The following MYT1L variants were observed in gnomAD, a reference collection of about 807,000 sequenced individuals.
MYT1L encodes myelin transcription factor 1-like protein.
Under a neutral mutation model 126.7 loss-of-function variants are expected in MYT1L, and 12 were observed. That is an observed-to-expected ratio of 0.09 (90% confidence interval 0.06 to 0.15). MYT1L has a LOEUF of 0.15. MYT1L is among the 10% of genes least tolerant of loss of function. The probability of loss-of-function intolerance (pLI) is 1.00; values close to 1 mark genes in which losing one functional copy is unlikely to be tolerated. For missense variants in MYT1L, 979 were observed against 1,585.2 expected (o/e 0.62, Z 6.49); for synonymous variants, 541 against 604.2 (o/e 0.90, Z 1.53).
intron 2 of MYT1L, among the ~76,000 whole-genome samples, chr2:2,273,409 A>G (rs1185390575): frequency 6.6e-6 from 1 of 152,212 alleles, no homozygotes; most frequent in African/African-American, 2.4e-5. Context: ...CTCAAATTCC[A>G]TCATGTTCCT....
rs530510467 is a variant in MYT1L at position 1,981,376 on chromosome 2, A to G, written c.1-1599T>C. On this transcript the variant is annotated intron_variant, in intron 5 of 24. Transcript: ENST00000647738. ...AGGGGCCAATGGGAAGTGGAAGCCA[A>G]GGAAAGATGCTCGGGGAAAGCTGTG... 3.3e-5 allele frequency among the ~76,000 whole-genome samples: 5 copies of G among 152,342 alleles called. No homozygotes were observed. In the South Asian group the frequency reaches 1.0e-3, roughly 32 times the overall value.
chr2:2,150,708 A>G (rs2085620318), intron 3 of MYT1L, among the ~76,000 whole-genome samples: 1 of 152,214 alleles, frequency 6.6e-6, no homozygotes, highest in South Asian at 2.1e-4. Context: ...TCAACGCTTT[A>G]GGTCCTATTT....
intron 3 of MYT1L, among the ~76,000 whole-genome samples, chr2:2,073,673 T>C (rs2074886938): frequency 6.6e-6 from 1 of 152,204 alleles, no homozygotes; most frequent in Non-Finnish European, 1.5e-5. Context: ...ATCTTGGACG[T>C]TGTATGTCGG....
rs1037043495 is a variant in MYT1L, at chr2:2,198,045, T to TAC, written c.-420-25059_-420-25058dup. Among the ~76,000 whole-genome samples, 6 of 151,800 alleles carry TAC rather than the reference T, an allele frequency of 4.0e-5. No homozygotes were observed. In the East Asian group the frequency reaches 9.7e-4, roughly 24 times the overall value. Reference sequence around the variant, plus strand: ...GTGTATATATTATATATATAATATATACACACACACGTACACAATGGAACA... The same window carrying TAC: ...GTGTATATATTATATATATAATATATACACACACACACGTACACAATGGAACA... On this transcript the variant is annotated intron_variant, in intron 2 of 24. Coordinates refer to ENST00000647738, the MANE Select transcript of MYT1L (RefSeq NM_001303052.2).
chr2:2,172,695 G>A (rs1020415318), intron 3 of MYT1L, among the ~76,000 whole-genome samples, 177 bp downstream of exon 3: 4 of 151,176 alleles, frequency 2.6e-5, no homozygotes, highest in South Asian at 2.1e-4. Context: ...CAGGAGCCCC[G>A]TGCTGGGCAG....
intron 3 of MYT1L, among the ~76,000 whole-genome samples, chr2:2,093,303 G>A (rs563717276): frequency 1.6e-4 from 23 of 146,912 alleles, no homozygotes; most frequent in Admixed American, 7.5e-4. Context: ...AACTGACAGC[G>A]GAGCAGGGGG....
At chr2:1,851,417 T>C (rs1351875057) in intron 19 of MYT1L, among the ~76,000 whole-genome samples, 2 of 152,190 alleles carry the variant, frequency 1.3e-5, no homozygotes. Context: ...TTGCACTGCA[T>C]GTGAGATGTC....
chr2:1,796,797 C>T (rs1317949368), intron 23 of MYT1L, among the ~76,000 whole-genome samples: 1 of 152,126 alleles, frequency 6.6e-6, no homozygotes, highest in East Asian at 1.9e-4. Flanking sequence ...CGTCTCTCCT[C>T]GGGCTCCTTG....
At chr2:1,828,675 T>A (rs1056785773) in intron 21 of MYT1L, 1 of 152,306 alleles carries the variant, frequency 6.6e-6, no homozygotes, top group East Asian at 1.9e-4. Context: ...ATAGCTCACA[T>A]AGTAAGTACT....
At chr2:1,952,877 CCTT>C (rs2057977538) in intron 8 of MYT1L, among the ~76,000 whole-genome samples, 1 of 74,408 alleles carries the variant, frequency 1.3e-5, no homozygotes, top group African/African-American at 6.8e-5. Flanking sequence ...TCCCTTCCCT[CCTT>C]CCTTCCCTTC....
At chr2:1,862,268 T>TTA (rs562212235) in intron 18 of MYT1L, among the ~76,000 whole-genome samples, 203 of 151,796 alleles carry the variant, frequency 1.3e-3, no homozygotes, top group African/African-American at 4.7e-3. Flanking sequence ...AAGAGGTTTT[T>TTA]AAAAAAAAAT....
chr2:2,287,139 C>A (rs1472599239), intron 1 of MYT1L, among the ~76,000 whole-genome samples: 1 of 152,140 alleles, frequency 6.6e-6, no homozygotes, highest in Non-Finnish European at 1.5e-5. Context: ...GCCTGTAATA[C>A]CAGCTACTCT....
rs1455186748 is a variant in MYT1L, at chr2:1,939,194, G to C, written c.505+3788C>G. ...GCGCGGGAGTCACACTCCGCTCTGT[G>C]CTCTGGCCACGTGGCTTCCTTTTAA... On this transcript the variant is annotated intron_variant, in intron 9 of 24. Coordinates refer to ENST00000647738, the MANE Select transcript of MYT1L (RefSeq NM_001303052.2). 2.0e-5 allele frequency among the ~76,000 whole-genome samples: 3 copies of C among 152,210 alleles called. No homozygotes were observed. The East Asian group carries it at 5.8e-4, about 29-fold the overall frequency.
chr2:1,834,984 C>T lies in MYT1L; in HGVS notation c.3080+4165G>A, dbSNP rs12465640. 4.1e-3 allele frequency among the ~76,000 whole-genome samples: 415 copies of T among 100,920 alleles called. 2 individuals are homozygous for T. The highest frequency in any genetic ancestry group is 7.0e-3 in the African/African-American group (110 of 15,810). 66.2% of individuals were successfully genotyped at this position (100,920 alleles called of 152,430 possible). The stretch of plus-strand genomic sequence containing the variant: ...GATACAGGTACTCCTCCACATACCA[C>T]GGGGATGGATACAGGTACTCCTCCA... On this transcript the variant is annotated intron_variant, in intron 21 of 24. Coordinates refer to ENST00000647738, the MANE Select transcript of MYT1L (RefSeq NM_001303052.2).
chr2:2,276,910 C>A (rs1245851377), intron 2 of MYT1L, among the ~76,000 whole-genome samples: 1 of 152,218 alleles, frequency 6.6e-6, no homozygotes, highest in Non-Finnish European at 1.5e-5. Flanking sequence ...TGGTGCTTGA[C>A]CACGGCACCA....
At chr2:2,148,721 T>C (rs888578362) in intron 3 of MYT1L, among the ~76,000 whole-genome samples, 3 of 152,126 alleles carry the variant, frequency 2.0e-5, no homozygotes, top group Non-Finnish European at 4.4e-5. Flanking sequence ...TCCATTAAGA[T>C]TGGAAGCTTG....
At chr2:2,218,783 C>T (rs2093767440) in intron 2 of MYT1L, among the ~76,000 whole-genome samples, 1 of 152,142 alleles carries the variant, frequency 6.6e-6, no homozygotes, top group Non-Finnish European at 1.5e-5. Flanking sequence ...GCCAGCCACA[C>T]CCTCATTTCT....
At chr2:2,083,050 G>C (rs2075999687) in intron 3 of MYT1L, among the ~76,000 whole-genome samples, 1 of 152,196 alleles carries the variant, frequency 6.6e-6, no homozygotes, top group Non-Finnish European at 1.5e-5. Context: ...AGAACCCAGA[G>C]ACCGGTGCAC....
intron 2 of MYT1L, among the ~76,000 whole-genome samples, chr2:2,234,628 T>G (rs2149085670): frequency 6.6e-6 from 1 of 152,302 alleles, no homozygotes; most frequent in African/African-American, 2.4e-5. Context: ...GAGGGCCTAC[T>G]TCACCTAAAA....
Sources: allele counts gnomAD v4.1 joint callset (sites outside exome capture counted in the v4.1 genomes callset), GRCh38; gene constraint gnomAD v4.1.1; transcripts MANE v1.5; gene names NCBI Gene and HGNC (gene_info 2026-07-23, HGNC 2026-07-21).